The following MAPK1IP1L variants were observed in gnomAD, a reference collection of about 807,000 sequenced individuals.
The protein encoded by MAPK1IP1L is mitogen-activated protein kinase 1 interacting protein 1 like.
MAPK1IP1L carries 10 observed loss-of-function variants against 18.1 expected under a neutral mutation model. The ratio of observed to expected loss-of-function variants is 0.55; its 90% CI spans 0.34 to 0.94. The LOEUF is 0.94. MAPK1IP1L is among the 40% of genes least tolerant of loss of function. MAPK1IP1L has a pLI of 0.02. For synonymous variants in MAPK1IP1L, 115 were observed against 117.3 expected (o/e 0.98, Z 0.13); for missense variants, 260 against 318.2 (o/e 0.82, Z 1.39).
In MAPK1IP1L at chr14:55,064,609, A is replaced by G. The variant is rs1331591752; in HGVS notation, c.727-7A>G. ...TAGAAGTTGACTTTTTCTTTTTTCTATTGCAGTCTTACCATTAAGTTAACA... is the reference window on the plus strand; with the variant it reads ...TAGAAGTTGACTTTTTCTTTTTTCTGTTGCAGTCTTACCATTAAGTTAACA... On this transcript the variant is annotated splice_polypyrimidine_tract_variant and splice_region_variant and intron_variant, in intron 3 of 3. Coordinates refer to ENST00000395468, the MANE Select transcript of MAPK1IP1L (RefSeq NM_144578.4). 14 of 1,612,710 alleles carry G rather than the reference A, an allele frequency of 8.7e-6. No homozygotes were observed.
In MAPK1IP1L at chr14:55,065,402, G is replaced by A. The variant is rs941456088; in HGVS notation, c.*775G>A. On this transcript the variant is annotated 3_prime_UTR_variant, in exon 4 of 4. Transcript: ENST00000395468. Reference sequence around the variant, plus strand: ...GATTATGAGATGTGCATATTGCTTTGGGAAGAGCTCGAGGAAGGAAATAAT... The same window carrying A: ...GATTATGAGATGTGCATATTGCTTTAGGAAGAGCTCGAGGAAGGAAATAAT... 2.0e-5 allele frequency: 3 copies of A among 151,960 alleles called. No individual in the cohort carries two copies. The highest frequency in any genetic ancestry group is 7.3e-5 in the African/African-American group (3 of 41,346). The allele number at this position is 151,960 out of a possible 1,614,324, so 9.4% of individuals were successfully genotyped here. A position where few individuals can be genotyped will look rare whatever the true frequency, so the allele number is the denominator to read the frequency against.
chr14:55,064,918 AACTATGAAACTACAC>A lies in MAPK1IP1L; in HGVS notation c.*295_*309del, dbSNP rs2042850699. The stretch of plus-strand genomic sequence containing the variant: ...ATAGTTCTTTGACAGAATTTGTTTA[AACTATGAAACTACAC>A]ACTTAAAAATCTAAGATGTGGATTA... On this transcript the variant is annotated 3_prime_UTR_variant, in exon 4 of 4. Coordinates refer to ENST00000395468, the MANE Select transcript of MAPK1IP1L (RefSeq NM_144578.4). The A allele has an allele frequency of 3.5e-6, 1 of 287,406 alleles. No individual in the cohort carries two copies. The highest frequency in any genetic ancestry group is 6.4e-6 in the Non-Finnish European group (1 of 155,968). 17.8% of individuals were successfully genotyped at this position (287,406 alleles called of 1,614,324 possible).
Position 55,068,421 on chromosome 14 carries a change from T to G in MAPK1IP1L, c.*3794T>G, listed in dbSNP as rs1326336570. The stretch of plus-strand genomic sequence containing the variant: ...TCAGAGTTTTTGTCAAGACTGTGCC[T>G]GGGTTGAATATCAGTCAATTGCCTA... On this transcript the variant is annotated 3_prime_UTR_variant, in exon 4 of 4. Transcript: ENST00000395468. 6.6e-6 allele frequency: 1 copy of G among 152,616 alleles called. No homozygotes were observed. Among genetic ancestry groups the G allele is most frequent in the Non-Finnish European group, 1.5e-5 (1 of 68,050 alleles). 9.5% of individuals were successfully genotyped at this position (152,616 alleles called of 1,614,324 possible).
chr14:55,064,703 T>A lies in MAPK1IP1L; in HGVS notation c.*76T>A, dbSNP rs2042848943. 1.4e-6 allele frequency: 2 copies of A among 1,467,016 alleles called. No individual in the cohort carries two copies. Among genetic ancestry groups the A allele is most frequent in the Non-Finnish European group, 1.9e-6 (2 of 1,056,174 alleles). 90.9% of individuals were successfully genotyped at this position (1,467,016 alleles called of 1,614,324 possible). ...TGCACATGAATGCATATATAAAAATTGCTGGTTTCACTATTAGAGGGCATT... is the reference window on the plus strand; with the variant it reads ...TGCACATGAATGCATATATAAAAATAGCTGGTTTCACTATTAGAGGGCATT... On this transcript the variant is annotated 3_prime_UTR_variant, in exon 4 of 4. Coordinates refer to ENST00000395468, the MANE Select transcript of MAPK1IP1L (RefSeq NM_144578.4).
At chr14:55,058,792 A>C (rs1279832947) in intron 1 of MAPK1IP1L, among the ~76,000 whole-genome samples, 1 of 151,932 alleles carries the variant, frequency 6.6e-6, no homozygotes, top group African/African-American at 2.4e-5. Flanking sequence ...ACATCATGCT[A>C]TTGCACTCTA....
chr14:55,061,746 A>C (rs1268072251), intron 2 of MAPK1IP1L, 45 bp downstream of exon 2: 1 of 1,463,040 alleles, frequency 6.8e-7, no homozygotes, highest in Non-Finnish European at 9.3e-7. Flanking sequence ...ATCTCTTAAG[A>C]AAAACAACAT....
rs1216178584 is a variant in MAPK1IP1L at position 55,061,012 on chromosome 14, T to C, written c.-4-668T>C. On this transcript the variant is annotated intron_variant, in intron 1 of 3. Transcript: ENST00000395468. ...AAAATTTTAAGAAATTTGCTGGGCA[T>C]GATGGCACACACCTGTAGTACCGGC... Among the ~76,000 whole-genome samples the C allele has an allele frequency of 2.0e-5, 3 of 152,038 alleles. No individual in the cohort carries two copies. In the East Asian group the frequency reaches 5.8e-4, roughly 29 times the overall value.
intron 1 of MAPK1IP1L, among the ~76,000 whole-genome samples, chr14:55,057,480 T>A (rs1379315659): frequency 4.6e-5 from 7 of 152,074 alleles, no homozygotes; most frequent in African/African-American, 1.7e-4. Flanking sequence ...TTAAATGAGC[T>A]GGGCGCAGTG....
chr14:55,062,453 G>T (rs1212449344), intron 2 of MAPK1IP1L, among the ~76,000 whole-genome samples, 165 bp from the exon 3 acceptor site: 8 of 152,112 alleles, frequency 5.3e-5, no homozygotes, highest in African/African-American at 1.2e-4. Context: ...GCATCTCAAG[G>T]TTTATGTTAA....
In MAPK1IP1L at chr14:55,068,106, T is replaced by C. The variant is rs2042879061; in HGVS notation, c.*3479T>C. ...CATTTACAGCTCTGACTCAGCCCTA[T>C]TTTGTGTAAAGTAATATATTGATTA... On this transcript the variant is annotated 3_prime_UTR_variant, in exon 4 of 4. Transcript: ENST00000395468. 6.6e-6 allele frequency: 1 copy of C among 152,246 alleles called. No homozygotes were observed. Among genetic ancestry groups the C allele is most frequent in the Admixed American group, 6.5e-5 (1 of 15,280 alleles). The allele number at this position is 152,246 out of a possible 1,614,324, so 9.4% of individuals were successfully genotyped here.
At chr14:55,058,112 C>G (rs532617454) in intron 1 of MAPK1IP1L, among the ~76,000 whole-genome samples, 1 of 152,312 alleles carries the variant, frequency 6.6e-6, no homozygotes, top group South Asian at 2.1e-4. Context: ...AGGGTGCTCT[C>G]ACCTACACCC....
intron 3 of MAPK1IP1L, chr14:55,064,001 CTCT>C (rs1401536162): frequency 1.0e-4 from 11 of 105,096 alleles, no homozygotes; most frequent in African/African-American, 4.2e-4. Flanking sequence ...AATCTGTTAA[CTCT>C]TTTTTTTTTT....
chr14:55,052,150 C>G lies in MAPK1IP1L; in HGVS notation c.-5+347C>G, dbSNP rs530256988. Among the ~76,000 whole-genome samples, 9 of 150,644 alleles carry G rather than the reference C, an allele frequency of 6.0e-5. No individual in the cohort carries two copies. The East Asian group carries it at 1.8e-3, about 30-fold the overall frequency. ...CCACCCCTTCCCGGCGGGCGCGACC[C>G]GCTAGGAGGCCGGTTCGCTCCGGTT... On this transcript the variant is annotated intron_variant, in intron 1 of 3. Coordinates refer to ENST00000395468, the MANE Select transcript of MAPK1IP1L (RefSeq NM_144578.4).
At chr14:55,053,330 T>C (rs1387155809) in intron 1 of MAPK1IP1L, among the ~76,000 whole-genome samples, 2 of 152,250 alleles carry the variant, frequency 1.3e-5, no homozygotes, top group Non-Finnish European at 1.5e-5. Context: ...GCTGCAGTTA[T>C]AGCTAGATAA....
rs1302102202 is a variant in MAPK1IP1L, at chr14:55,062,982, G to A, written c.383G>A (p.Arg128Lys). 3.7e-6 allele frequency: 6 copies of A among 1,613,448 alleles called. No individual in the cohort carries two copies. The African/African-American group carries it at 6.7e-5, about 18-fold the overall frequency. The change falls in exon 3 of 4, where the codon AGA becomes AAA. Residue 128 changes from arginine (R) to lysine (K), a missense_variant. Transcript: ENST00000395468. The part of the protein sequence containing the change: ...TPNMPFPELP[R>K]PYGAPTDPAA... ...AATATGCCCTTTCCAGAGCTACCCA[G>A]ACCATATGGTGCACCCACAGATCCA... is the stretch of plus-strand genomic sequence containing the variant.
chr14:55,057,926 C>A (rs2042784453), intron 1 of MAPK1IP1L, among the ~76,000 whole-genome samples: 1 of 151,926 alleles, frequency 6.6e-6, no homozygotes, highest in Non-Finnish European at 1.5e-5. Flanking sequence ...CAGAGCAAGA[C>A]CCTGTCTCAA....
intron 1 of MAPK1IP1L, among the ~76,000 whole-genome samples, chr14:55,058,051 A>G (rs374813339): frequency 1.3e-5 from 2 of 152,358 alleles, no homozygotes; most frequent in South Asian, 2.1e-4. Context: ...TTTCTTGGCA[A>G]TTCAGAGTCC....
At chr14:55,057,020 G>A (rs910814951) in intron 1 of MAPK1IP1L, among the ~76,000 whole-genome samples, 1 of 152,184 alleles carries the variant, frequency 6.6e-6, no homozygotes, top group African/African-American at 2.4e-5. Flanking sequence ...AAAGTCTTTT[G>A]AGGGAATTTA....
chr14:55,053,193 G>A (rs1410412863), intron 1 of MAPK1IP1L, among the ~76,000 whole-genome samples: 1 of 152,194 alleles, frequency 6.6e-6, no homozygotes, highest in African/African-American at 2.4e-5. Flanking sequence ...ATTCCAGGCA[G>A]CGACTAAGAG....
Sources: allele counts gnomAD v4.1 joint callset (sites outside exome capture counted in the v4.1 genomes callset), GRCh38; gene constraint gnomAD v4.1.1; transcripts MANE v1.5; gene names NCBI Gene and HGNC (gene_info 2026-07-23, HGNC 2026-07-21).